PFKFB3: variants seen among roughly 807,000 people sequenced by gnomAD.
The protein encoded by PFKFB3 is 6-phosphofructo-2-kinase/fructose-2,6-biphosphatase 3.
In PFKFB3, 33 loss-of-function variants were observed where a neutral mutation model predicts 68.0. The ratio of observed to expected loss-of-function variants is 0.49; its 90% CI spans 0.37 to 0.65. PFKFB3 has a LOEUF of 0.65. Ranked by LOEUF, PFKFB3 falls within the 30% of genes least tolerant of loss-of-function variation. The pLI, the probability that PFKFB3 is intolerant of heterozygous loss-of-function variation, is 0.00. For synonymous variants in PFKFB3, 315 were observed against 288.2 expected, an observed-to-expected ratio of 1.09 and a Z score of -0.94; for missense variants, 586 against 712.2, an observed-to-expected ratio of 0.82 and a Z score of 2.02.
chr10:6,168,512 A>C (rs551813464), intron 1 of PFKFB3, among the ~76,000 whole-genome samples: 1 of 152,344 alleles, frequency 6.6e-6, no homozygotes, highest in East Asian at 1.9e-4. Context: ...AGCTAAGCAC[A>C]AAAGGCTTCT....
the PFKFB3 span, among the ~76,000 whole-genome samples, chr10:6,296,105 G>C: frequency 6.6e-6 from 1 of 152,132 alleles, no homozygotes; most frequent in Non-Finnish European, 1.5e-5. Flanking sequence ...TTCTCTGATG[G>C]ATCAAAAAGT....
chr10:6,262,469 A>AAAAG, the PFKFB3 span, among the ~76,000 whole-genome samples: 220 of 121,724 alleles, frequency 1.8e-3, 20 homozygotes, highest in African/African-American at 5.9e-3. Flanking sequence ...AAAAAAAAAA[A>AAAAG]AAAAAAAAAA....
chr10:6,251,247 A>G (rs1371408148), intron 14 of PFKFB3, among the ~76,000 whole-genome samples: 1 of 152,194 alleles, frequency 6.6e-6, no homozygotes, highest in Non-Finnish European at 1.5e-5. Context: ...AATCTTCAAA[A>G]AGTCCCTGCA....
intron 1 of PFKFB3, among the ~76,000 whole-genome samples, chr10:6,176,367 G>A (rs1219836530): frequency 6.6e-6 from 1 of 152,152 alleles, no homozygotes; most frequent in African/African-American, 2.4e-5. Context: ...TGTGAGGATC[G>A]TCGAGCTGTG....
At chr10:6,236,136 A>G (rs893974832), downstream of PFKFB3, among the ~76,000 whole-genome samples, 1 of 152,052 alleles carries the variant, frequency 6.6e-6, no homozygotes, top group Non-Finnish European at 1.5e-5. Flanking sequence ...TTCTTGCCTC[A>G]TTGGCACTAC....
chr10:6,186,788 G>A (rs1842877969), intron 1 of PFKFB3, among the ~76,000 whole-genome samples: 1 of 152,118 alleles, frequency 6.6e-6, no homozygotes, highest in African/African-American at 2.4e-5. Context: ...GTGAGCCACT[G>A]CACCTAGCCT....
At chr10:6,155,852 GGAAA>G (rs1322808345) in intron 1 of PFKFB3, among the ~76,000 whole-genome samples, 1 of 152,130 alleles carries the variant, frequency 6.6e-6, no homozygotes, top group Non-Finnish European at 1.5e-5. Context: ...GTTTGAACAT[GGAAA>G]GAAAGAATAA....
chr10:6,225,754 C>CAG (rs3083328), intron 13 of PFKFB3, among the ~76,000 whole-genome samples: 106,768 of 151,818 alleles, frequency 0.7, 38,159 homozygotes, highest in East Asian at 0.84. Flanking sequence ...GATCCTGCCT[C>CAG]GGGTCAGCGG....
At position 6,235,519 on chromosome 10, in the gene PFKFB3, C is replaced by T. The variant is rs76767288; in HGVS notation, c.*2577C>T. On this transcript the variant is annotated 3_prime_UTR_variant, in exon 15 of 15. Transcript: ENST00000379775. ...TGCAGTTGCCAGACCAATAAAATAC[C>T]TGGTTGAAATACATGGACGAAGTAA... The T allele has an allele frequency of 2.0e-5, 3 of 152,224 alleles. No homozygotes were observed. The South Asian group carries it at 6.2e-4, about 32-fold the overall frequency. 9.4% of individuals were successfully genotyped at this position (152,224 alleles called of 1,614,324 possible). A position where few individuals can be genotyped will look rare whatever the true frequency, so the allele number is the denominator to read the frequency against.
chr10:6,148,806 G>A (rs1015951248), intron 1 of PFKFB3, among the ~76,000 whole-genome samples: 2 of 152,154 alleles, frequency 1.3e-5, no homozygotes, highest in East Asian at 1.9e-4. Flanking sequence ...GGGCCAGTGT[G>A]GTGGCTCATG....
the PFKFB3 span, among the ~76,000 whole-genome samples, chr10:6,281,998 GC>G: frequency 6.9e-6 from 1 of 144,882 alleles, no homozygotes; most frequent in South Asian, 2.2e-4. Flanking sequence ...TCACTATGTT[GC>G]TCAGGCTGGA....
chr10:6,298,943 A>T, the PFKFB3 span, among the ~76,000 whole-genome samples: 1 of 152,208 alleles, frequency 6.6e-6, no homozygotes, highest in East Asian at 1.9e-4. Context: ...CCTTGAGGAC[A>T]CGTCTGGTTC....
chr10:6,262,012 C>A, the PFKFB3 span, among the ~76,000 whole-genome samples: 452 of 91,992 alleles, frequency 4.9e-3, 3 homozygotes, highest in African/African-American at 0.014. Context: ...CAAAACAAAA[C>A]AAAAAACAAA....
upstream of PFKFB3, chr10:6,202,661 T>C (rs1483887809): frequency 1.3e-5 from 2 of 156,292 alleles, no homozygotes; most frequent in Non-Finnish European, 1.4e-5. Flanking sequence ...GTGCCAGACG[T>C]CCCGAGGGGA....
At chr10:6,256,935 G>C (rs1465219796), downstream of PFKFB3, among the ~76,000 whole-genome samples, 1 of 152,172 alleles carries the variant, frequency 6.6e-6, no homozygotes, top group African/African-American at 2.4e-5. Context: ...GTTCCAAATA[G>C]ATTTCTAGAT....
Position 6,221,664 on chromosome 10 carries a change from C to G in PFKFB3, c.1002C>G (p.Tyr334Ter). Residue 334 changes from tyrosine (Y) to a stop codon, truncating the protein, a stop_gained, in exon 10 of 15, where the codon TAC (tyrosine) becomes TAG (stop). Coordinates refer to ENST00000379775, the MANE Select transcript of PFKFB3 (RefSeq NM_004566.4). LOFTEE classifies it high-confidence loss of function. Reference sequence around the variant, plus strand: ...AGGGCGTCTGTGAGGAGCTGACCTACGAGGAGATCAGGGACACCTACCCTG... The same window carrying G: ...AGGGCGTCTGTGAGGAGCTGACCTAGGAGGAGATCAGGGACACCTACCCTG... ...IDAGVCEELT[Y>*]EEIRDTYPEE... 6.2e-7 allele frequency: 1 copy of G among 1,610,934 alleles called. No homozygotes were observed. Among genetic ancestry groups the G allele is most frequent in the Non-Finnish European group, 8.5e-7 (1 of 1,178,952 alleles).
chr10:6,223,037 C>A, intron 11 of PFKFB3, 53 bp downstream of exon 11: 1 of 1,568,050 alleles, frequency 6.4e-7, no homozygotes, highest in South Asian at 1.2e-5. Flanking sequence ...GACTGGCACT[C>A]GGCGGGGGGT....
At chr10:6,240,239 T>C (rs573436390), downstream of PFKFB3, among the ~76,000 whole-genome samples, 2 of 99,370 alleles carry the variant, frequency 2.0e-5, no homozygotes, top group East Asian at 2.2e-4. Context: ...GGAAAACTTT[T>C]TATTTTGAAA....
At position 6,154,691 on chromosome 10, in the gene PFKFB3, G is replaced by C. The variant is rs1296266313; in HGVS notation, c.16+9678G>C. On this transcript the variant is annotated intron_variant, in intron 1 of 14. Coordinates refer to the PFKFB3 transcript ENST00000379789. The surrounding 1 kb of genome is among the most constrained non-coding windows in gnomAD (Gnocchi z 4.6). The stretch of plus-strand genomic sequence containing the variant: ...GGTGGCTGCGATCAGGGTGGTGTTG[G>C]GGGTGGCTGGATTCTGAATATATTT... 1.3e-5 allele frequency among the ~76,000 whole-genome samples: 2 copies of C among 152,190 alleles called. No homozygotes were observed. Among genetic ancestry groups the C allele is most frequent in the Non-Finnish European group, 2.9e-5 (2 of 68,032 alleles).
Sources: gnomAD v4.1 joint callset for allele counts (sites outside exome capture counted in the v4.1 genomes callset) on GRCh38, gnomAD v4.1.1 for gene constraint, Gnocchi (gnomAD v3.1) non-coding constraint, MANE v1.5 for transcripts, NCBI Gene and HGNC (gene_info 2026-07-23, HGNC 2026-07-21) for gene names.